The following SPECC1 variants were observed in gnomAD, a reference collection of about 807,000 sequenced individuals.
SPECC1 encodes the protein cytospin-B.
A neutral mutation model predicts 104.1 loss-of-function variants in SPECC1; 62 were observed. That is an observed-to-expected ratio of 0.60 (90% CI 0.49 to 0.74). The LOEUF is 0.74. SPECC1 is among the 30% of genes least tolerant of loss of function. SPECC1 has a pLI of 0.00. For synonymous variants in SPECC1, 513 were observed against 501.6 expected (o/e 1.02, Z -0.30); for missense variants, 1,306 against 1,310.5 (o/e 1.00, Z 0.05).
At chr17:20,271,838 G>T (rs2040420469) in intron 12 of SPECC1, among the ~76,000 whole-genome samples, 1 of 146,642 alleles carries the variant, frequency 6.8e-6, no homozygotes, top group Admixed American at 6.9e-5. Context: ...AAAATTTTAT[G>T]ACCTCGCATC....
At chr17:20,083,537 C>T (rs2047062238) in intron 1 of SPECC1, among the ~76,000 whole-genome samples, 1 of 152,076 alleles carries the variant, frequency 6.6e-6, no homozygotes, top group Non-Finnish European at 1.5e-5. Flanking sequence ...GAAATACATC[C>T]TTTTTGTGTG....
chr17:20,213,013 A>G (rs1050817035), intron 4 of SPECC1, among the ~76,000 whole-genome samples: 1 of 152,188 alleles, frequency 6.6e-6, no homozygotes, highest in South Asian at 2.1e-4. Flanking sequence ...AGCAAACAGA[A>G]TGATTTAAGT....
At chr17:20,297,788 C>T (rs185328750) in intron 13 of SPECC1, among the ~76,000 whole-genome samples, 33 of 152,346 alleles carry the variant, frequency 2.2e-4, no homozygotes, top group Admixed American at 4.6e-4. Flanking sequence ...ACAGAGCATA[C>T]TTTGGAAAAT....
intron 12 of SPECC1, among the ~76,000 whole-genome samples, chr17:20,283,615 C>G (rs1225456448): frequency 6.6e-6 from 1 of 152,136 alleles, no homozygotes; most frequent in Non-Finnish European, 1.5e-5. Context: ...GAGACAGAGT[C>G]TTGCTCTGTC....
At chr17:20,269,715 G>A (rs1436844854) in intron 12 of SPECC1, among the ~76,000 whole-genome samples, 1 of 152,238 alleles carries the variant, frequency 6.6e-6, no homozygotes, top group East Asian at 1.9e-4. Context: ...CTTGTTGCCA[G>A]GGGAATTAAA....
rs1483761981 is a variant in SPECC1 at position 20,009,671 on chromosome 17, T to C, written c.-22+247T>C. On this transcript the variant is annotated intron_variant, in intron 1 of 14. Coordinates refer to ENST00000395527, the MANE Select transcript of SPECC1 (RefSeq NM_001243439.2). This position sits in a 1 kb window ranked among gnomAD's most constrained non-coding sequence, Gnocchi z 5.2. ...GCCCGGCCCGGAGCGGTGGGACCGG[T>C]GCCGCAGGTGGCAGCGGCAGGTGGC... 6.6e-6 allele frequency among the ~76,000 whole-genome samples: 1 copy of C among 151,944 alleles called. No homozygotes were observed. Among genetic ancestry groups the C allele is most frequent in the East Asian group, 1.9e-4 (1 of 5,152 alleles).
chr17:20,120,335 G>A (rs781027221), intron 3 of SPECC1, among the ~76,000 whole-genome samples: 12 of 151,982 alleles, frequency 7.9e-5, no homozygotes, highest in African/African-American at 1.4e-4. Context: ...GCAGTGAGCC[G>A]AGATTGTGCC....
chr17:20,098,287 T>C (rs2047750368), intron 2 of SPECC1, among the ~76,000 whole-genome samples: 1 of 152,080 alleles, frequency 6.6e-6, no homozygotes. Flanking sequence ...CCTTAAACCC[T>C]CCTTTTCTCA....
intron 13 of SPECC1, 118 bp from the exon 14 acceptor site, chr17:20,305,905 C>G (rs561301561): frequency 3.6e-6 from 3 of 824,404 alleles, no homozygotes; most frequent in African/African-American, 1.7e-5. Flanking sequence ...ACTTGACTTA[C>G]TATTCTTCGC....
chr17:20,301,311 A>ATGTG (rs2041571310), intron 13 of SPECC1, among the ~76,000 whole-genome samples: 1 of 152,064 alleles, frequency 6.6e-6, no homozygotes, highest in Non-Finnish European at 1.5e-5. Flanking sequence ...GAGCAAGTGG[A>ATGTG]TGTGAATACA....
chr17:20,204,249 TGC>T, intron 3 of SPECC1, 82 bp from the exon 4 acceptor site: 1 of 1,479,276 alleles, frequency 6.8e-7, no homozygotes, highest in South Asian at 1.3e-5. Context: ...CTGTCCACTG[TGC>T]CATGTGATTT....
At chr17:20,300,502 G>T (rs540341321) in intron 13 of SPECC1, among the ~76,000 whole-genome samples, 1 of 152,376 alleles carries the variant, frequency 6.6e-6, no homozygotes, top group Admixed American at 6.5e-5. Flanking sequence ...CCTCCTGACA[G>T]TGTGTGTGCG....
At chr17:20,265,309 G>A (rs955347407) in intron 12 of SPECC1, among the ~76,000 whole-genome samples, 2 of 152,200 alleles carry the variant, frequency 1.3e-5, no homozygotes, top group African/African-American at 4.8e-5. Context: ...CTCCTGGCTA[G>A]TGTTAGATGG....
At chr17:20,138,338 C>T (rs986145544) in intron 3 of SPECC1, among the ~76,000 whole-genome samples, 1 of 152,128 alleles carries the variant, frequency 6.6e-6, no homozygotes, top group Non-Finnish European at 1.5e-5. Flanking sequence ...TTATCAACAT[C>T]CCCCACCAGC....
intron 13 of SPECC1, among the ~76,000 whole-genome samples, chr17:20,299,810 A>C (rs972606122): frequency 4.6e-5 from 7 of 152,206 alleles, no homozygotes; most frequent in Non-Finnish European, 8.8e-5. Flanking sequence ...GCTGTGAAAT[A>C]TGCAGGTGGT....
At chr17:20,301,397 C>T (rs982823822) in intron 13 of SPECC1, among the ~76,000 whole-genome samples, 3 of 150,802 alleles carry the variant, frequency 2.0e-5, no homozygotes, top group Non-Finnish European at 2.9e-5. Flanking sequence ...CCTATGTGCT[C>T]AGTGCCAGGG....
chr17:20,251,758 T>C (rs920707056), intron 9 of SPECC1, among the ~76,000 whole-genome samples: 2 of 152,268 alleles, frequency 1.3e-5, no homozygotes, highest in Non-Finnish European at 2.9e-5. Flanking sequence ...GAATGCTTAC[T>C]ATCTGCTGGG....
chr17:20,165,391 T>C (rs1390613262), intron 3 of SPECC1, among the ~76,000 whole-genome samples: 1 of 152,234 alleles, frequency 6.6e-6, no homozygotes, highest in East Asian at 1.9e-4. Context: ...ATGATCTTGT[T>C]CCTTTTTATG....
intron 3 of SPECC1, among the ~76,000 whole-genome samples, chr17:20,166,339 T>G (rs535761196): frequency 2.7e-4 from 41 of 152,326 alleles, no homozygotes; most frequent in African/African-American, 8.7e-4. Context: ...AATATATTGA[T>G]CTATTCTAAG....
Sources: gnomAD v4.1 joint callset for allele counts (sites outside exome capture counted in the v4.1 genomes callset) on GRCh38, gnomAD v4.1.1 for gene constraint, Gnocchi (gnomAD v3.1) non-coding constraint, MANE v1.5 for transcripts, NCBI Gene and HGNC (gene_info 2026-07-23, HGNC 2026-07-21) for gene names.